The following CSGALNACT1 variants were observed in gnomAD, a reference collection of about 807,000 sequenced individuals.
CSGALNACT1 encodes the protein beta4GalNAcT-1.
Under a neutral mutation model 51.0 loss-of-function variants are expected in CSGALNACT1, and 52 were observed. The observed-to-expected ratio is 1.02, with a 90% CI of 0.82 to 1.29. The LOEUF (loss-of-function observed/expected upper bound fraction) is 1.29. Among genes scored for constraint, CSGALNACT1 ranks in the 50% most tolerant of loss-of-function variants. CSGALNACT1 has a pLI of 0.00. For missense variants in CSGALNACT1, 935 were observed against 679.2 expected (o/e 1.38, Z -4.19); for synonymous variants, 341 against 254.4 (o/e 1.34, Z -3.24).
At chr8:19,647,898 A>C (rs2057422571) in intron 1 of CSGALNACT1, among the ~76,000 whole-genome samples, 1 of 152,190 alleles carries the variant, frequency 6.6e-6, no homozygotes, top group Non-Finnish European at 1.5e-5. Flanking sequence ...GAGACATTTG[A>C]ATAAAAGAAA....
At chr8:19,726,752 A>C (rs1398233784) in intron 1 of CSGALNACT1, among the ~76,000 whole-genome samples, 2 of 152,240 alleles carry the variant, frequency 1.3e-5, no homozygotes, top group Non-Finnish European at 1.5e-5. Context: ...AAAACATCAA[A>C]CTTTGGCAGA....
intron 3 of CSGALNACT1, among the ~76,000 whole-genome samples, chr8:19,545,999 C>T (rs1222451676): frequency 2.6e-5 from 4 of 151,786 alleles, no homozygotes; most frequent in African/African-American, 7.3e-5. Flanking sequence ...GATTCCTCCA[C>T]AGATAGCCCA....
intron 4 of CSGALNACT1, among the ~76,000 whole-genome samples, chr8:19,501,769 T>C (rs1367379855): frequency 2.0e-5 from 3 of 152,250 alleles, no homozygotes. Context: ...GCCACTTAGA[T>C]CTCAGGATTA....
chr8:19,715,253 AG>A (rs1419744441), intron 1 of CSGALNACT1, among the ~76,000 whole-genome samples: 1 of 152,208 alleles, frequency 6.6e-6, no homozygotes, highest in Non-Finnish European at 1.5e-5. Flanking sequence ...ATTTCCCACT[AG>A]GTCCCTCCCA....
chr8:19,555,056 T>C (rs1323956433), intron 3 of CSGALNACT1, among the ~76,000 whole-genome samples: 2 of 150,980 alleles, frequency 1.3e-5, no homozygotes, highest in Non-Finnish European at 2.9e-5. Context: ...CTAGCCAACA[T>C]GGTGAAACCT....
At chr8:19,567,342 C>T (rs913540511) in intron 3 of CSGALNACT1, among the ~76,000 whole-genome samples, 1 of 152,200 alleles carries the variant, frequency 6.6e-6, no homozygotes, top group Non-Finnish European at 1.5e-5. Context: ...TAGAACCCAA[C>T]CTAAGTAATA....
chr8:19,650,708 G>A (rs992981725), intron 1 of CSGALNACT1, among the ~76,000 whole-genome samples: 3 of 152,126 alleles, frequency 2.0e-5, no homozygotes, highest in Non-Finnish European at 2.9e-5. Flanking sequence ...ACACGCTTAA[G>A]CACTGAGGAA....
chr8:19,532,601 C>T (rs775375079), intron 3 of CSGALNACT1, among the ~76,000 whole-genome samples: 6 of 152,126 alleles, frequency 3.9e-5, no homozygotes, highest in Non-Finnish European at 7.4e-5. Context: ...CTGGAAAGTC[C>T]TCACACTGAC....
upstream of CSGALNACT1, among the ~76,000 whole-genome samples, chr8:19,607,197 C>A (rs915824084): frequency 2.0e-5 from 3 of 152,000 alleles, no homozygotes; most frequent in Admixed American, 6.5e-5. Context: ...CAGTAGGGAC[C>A]CTGCGTGGTC....
At chr8:19,551,401 C>G (rs1034284788) in intron 3 of CSGALNACT1, among the ~76,000 whole-genome samples, 3 of 152,196 alleles carry the variant, frequency 2.0e-5, no homozygotes, top group Non-Finnish European at 2.9e-5. Context: ...CCCTTCCCTT[C>G]AAGCCAATCT....
rs1253210301 is a variant in CSGALNACT1 at position 19,640,164 on chromosome 8, C to A, written c.-543-38299G>T. On this transcript the variant is annotated intron_variant, in intron 1 of 9. Coordinates refer to the CSGALNACT1 transcript ENST00000332246. ...TTTCCCTCAATGATACTGTAGTGAG[C>A]AAATAGCTTATTAACATCTCCCATC... 2.0e-5 allele frequency among the ~76,000 whole-genome samples: 3 copies of A among 152,148 alleles called. No homozygotes were observed. The East Asian group carries it at 5.8e-4, about 29-fold the overall frequency.
chr8:19,525,461 A>T (rs1038116248), intron 3 of CSGALNACT1, among the ~76,000 whole-genome samples: 21 of 151,410 alleles, frequency 1.4e-4, no homozygotes, highest in African/African-American at 5.1e-4. Flanking sequence ...AAAAAAGAAA[A>T]AAAAAATTAG....
At chr8:19,701,594 G>A (rs1413722393) in intron 1 of CSGALNACT1, among the ~76,000 whole-genome samples, 2 of 152,174 alleles carry the variant, frequency 1.3e-5, no homozygotes, top group African/African-American at 4.8e-5. Context: ...CAATTCCTCA[G>A]GGGTACACCT....
chr8:19,530,228 A>T (rs1216133071), intron 3 of CSGALNACT1, among the ~76,000 whole-genome samples: 1 of 54,236 alleles, frequency 1.8e-5, no homozygotes, highest in Non-Finnish European at 3.5e-5. Flanking sequence ...CTGAAAAAAC[A>T]AAACAAAACA....
upstream of CSGALNACT1, among the ~76,000 whole-genome samples, chr8:19,687,178 A>G (rs17409346): frequency 0.13 from 19,781 of 152,202 alleles, 1,505 homozygotes; most frequent in African/African-American, 0.18. Flanking sequence ...TGCAGTCAAT[A>G]CATCGAGACC....
intron 4 of CSGALNACT1, among the ~76,000 whole-genome samples, chr8:19,492,177 G>A (rs1433870183): frequency 1.3e-5 from 2 of 152,178 alleles, no homozygotes; most frequent in Non-Finnish European, 2.9e-5. Context: ...AACTATATGC[G>A]AGAAGGCTCT....
chr8:19,671,660 G>A (rs1467894208), intron 1 of CSGALNACT1, among the ~76,000 whole-genome samples: 1 of 152,150 alleles, frequency 6.6e-6, no homozygotes, highest in Non-Finnish European at 1.5e-5. Context: ...ATAAAGACAA[G>A]TAAATGTCAA....
At chr8:19,444,134 T>C (rs186588480) in intron 5 of CSGALNACT1, among the ~76,000 whole-genome samples, 84 of 152,324 alleles carry the variant, frequency 5.5e-4, no homozygotes, top group Non-Finnish European at 2.9e-5. Flanking sequence ...AGACCAGTAA[T>C]GGTGTGTGGA....
chr8:19,444,429 G>A (rs1223159394), intron 5 of CSGALNACT1, among the ~76,000 whole-genome samples: 1 of 152,158 alleles, frequency 6.6e-6, no homozygotes, highest in East Asian at 1.9e-4. Context: ...GATACAGTGG[G>A]CCAACTGCAT....
Sources: allele counts gnomAD v4.1 joint callset (sites outside exome capture counted in the v4.1 genomes callset), GRCh38; gene constraint gnomAD v4.1.1; transcripts MANE v1.5; gene names NCBI Gene and HGNC (gene_info 2026-07-23, HGNC 2026-07-21).